The following CA10 variants were observed in gnomAD, a reference collection of about 807,000 sequenced individuals.
The protein encoded by CA10 is carbonic anhydrase 10 (inactive).
A neutral mutation model predicts 44.2 loss-of-function variants in CA10; 14 were observed. That is an observed-to-expected ratio of 0.32 (90% CI 0.21 to 0.50). The LOEUF is 0.50. Among genes scored for constraint, CA10 ranks in the 20% least tolerant of loss-of-function variants. The pLI, the probability that CA10 is intolerant of heterozygous loss-of-function variation, is 0.99. For missense variants in CA10, 350 were observed against 409.7 expected, an observed-to-expected ratio of 0.85 and a Z score of 1.26; for synonymous variants, 159 against 141.6, an observed-to-expected ratio of 1.12 and a Z score of -0.87.
At chr17:51,666,815 AG>A (rs1374946695) in intron 4 of CA10, among the ~76,000 whole-genome samples, 2 of 152,254 alleles carry the variant, frequency 1.3e-5, no homozygotes, top group African/African-American at 4.8e-5. Flanking sequence ...TGCAGGGAAT[AG>A]GAGATCCCAA....
chr17:52,073,120 C>T (rs1033850425), intron 1 of CA10, among the ~76,000 whole-genome samples: 1 of 152,152 alleles, frequency 6.6e-6, no homozygotes, highest in Non-Finnish European at 1.5e-5. Flanking sequence ...TATTAAACTA[C>T]ATTCATATTT....
At chr17:51,782,686 G>T (rs1906110689) in intron 3 of CA10, among the ~76,000 whole-genome samples, 1 of 152,154 alleles carries the variant, frequency 6.6e-6, no homozygotes, top group Non-Finnish European at 1.5e-5. Flanking sequence ...CAGTGTGTAT[G>T]ATCTTGGCAG....
intron 1 of CA10, among the ~76,000 whole-genome samples, chr17:52,124,850 C>T (rs1288824262): frequency 6.6e-6 from 1 of 152,224 alleles, no homozygotes; most frequent in African/African-American, 2.4e-5. Flanking sequence ...GCCCACAACA[C>T]TGTTACTTCA....
At chr17:51,755,795 T>C (rs548478680) in intron 3 of CA10, among the ~76,000 whole-genome samples, 3 of 152,278 alleles carry the variant, frequency 2.0e-5, no homozygotes, top group African/African-American at 7.2e-5. Context: ...TACTCAAAGA[T>C]ACAAAAGGAA....
intron 2 of CA10, among the ~76,000 whole-genome samples, chr17:52,062,128 C>T (rs1400459517): frequency 7.7e-6 from 1 of 129,354 alleles, no homozygotes; most frequent in Non-Finnish European, 1.5e-5. Context: ...AGTGCAGTGG[C>T]ACAATCTTGG....
chr17:51,951,669 T>C lies in CA10; in HGVS notation c.137-20537A>G, dbSNP rs145901563. On this transcript the variant is annotated intron_variant, in intron 2 of 8. Coordinates refer to ENST00000451037, the MANE Select transcript of CA10 (RefSeq NM_020178.5). ...GCTCTATGCCTATTAAACATGCCCATTACTTTACTATTGGAAAAACCAGAT... is the reference window on the plus strand; with the variant it reads ...GCTCTATGCCTATTAAACATGCCCACTACTTTACTATTGGAAAAACCAGAT... Among the ~76,000 whole-genome samples, 7 of 152,296 alleles carry C rather than the reference T, an allele frequency of 4.6e-5. No individual in the cohort carries two copies. In the East Asian group the frequency reaches 1.4e-3, roughly 29 times the overall value.
At chr17:52,155,074 C>G (rs1989777165) in intron 1 of CA10, among the ~76,000 whole-genome samples, 1 of 152,184 alleles carries the variant, frequency 6.6e-6, no homozygotes, top group Non-Finnish European at 1.5e-5. Flanking sequence ...CATGACAAAG[C>G]TACTACCAAC....
At chr17:51,744,841 T>C (rs188833913) in intron 4 of CA10, among the ~76,000 whole-genome samples, 47 of 152,314 alleles carry the variant, frequency 3.1e-4, no homozygotes, top group Non-Finnish European at 1.5e-5. Context: ...ATCTCAAAAG[T>C]CAACTGCTTA....
intron 2 of CA10, among the ~76,000 whole-genome samples, chr17:52,035,715 T>C (rs1376207376): frequency 6.6e-6 from 1 of 152,204 alleles, no homozygotes; most frequent in Non-Finnish European, 1.5e-5. Flanking sequence ...CTGGTGCCGA[T>C]GTGTCTAGTC....
rs115705788 is a variant in CA10 at position 51,800,283 on chromosome 17, T to C, written c.280-52465A>G. On this transcript the variant is annotated intron_variant, in intron 3 of 8. Coordinates refer to ENST00000451037, the MANE Select transcript of CA10 (RefSeq NM_020178.5). ...CGTATGATTCCATTTATGTAAAATG[T>C]CTATAATAGGCAATCTATAGAGCTA... Among the ~76,000 whole-genome samples the C allele has an allele frequency of 1.8e-3, 276 of 152,270 alleles. 2 individuals are homozygous for C. Among genetic ancestry groups the C allele is most frequent in the African/African-American group, 6.4e-3 (266 of 41,572 alleles).
intron 1 of CA10, among the ~76,000 whole-genome samples, chr17:52,086,385 G>A (rs774858453): frequency 6.6e-6 from 1 of 152,176 alleles, no homozygotes; most frequent in Non-Finnish European, 1.5e-5. Flanking sequence ...TGCAATACAA[G>A]ACTTCAAAGG....
chr17:51,871,159 A>G (rs559476811), intron 3 of CA10, among the ~76,000 whole-genome samples: 1 of 149,088 alleles, frequency 6.7e-6, no homozygotes, highest in South Asian at 2.1e-4. Flanking sequence ...CCTGGGTTCA[A>G]GCAATTCTCC....
chr17:51,867,503 A>G (rs907555856), intron 3 of CA10, among the ~76,000 whole-genome samples: 1 of 152,228 alleles, frequency 6.6e-6, no homozygotes, highest in African/African-American at 2.4e-5. Context: ...CTCTATAATG[A>G]GACGAGATGC....
At chr17:51,933,694 C>T (rs1219537640) in intron 2 of CA10, among the ~76,000 whole-genome samples, 3 of 152,090 alleles carry the variant, frequency 2.0e-5, no homozygotes, top group Non-Finnish European at 4.4e-5. Context: ...ACAATGAAGA[C>T]ATCTATGATG....
At chr17:51,846,790 G>A (rs1978514306) in intron 3 of CA10, among the ~76,000 whole-genome samples, 1 of 152,220 alleles carries the variant, frequency 6.6e-6, no homozygotes, top group African/African-American at 2.4e-5. Context: ...GCTGATTTGT[G>A]TCTGTGCTGG....
intron 4 of CA10, among the ~76,000 whole-genome samples, chr17:51,730,441 G>A (rs1206039620): frequency 6.6e-6 from 1 of 152,122 alleles, no homozygotes; most frequent in Non-Finnish European, 1.5e-5. Context: ...TTTCCTCATA[G>A]AAATGTTTTG....
At chr17:51,809,750 G>A (rs776559506) in intron 3 of CA10, among the ~76,000 whole-genome samples, 1 of 152,200 alleles carries the variant, frequency 6.6e-6, no homozygotes, top group Non-Finnish European at 1.5e-5. Flanking sequence ...AGGCAGGTGA[G>A]AATGACCCCA....
chr17:52,085,135 A>T (rs1988084472), intron 1 of CA10, among the ~76,000 whole-genome samples: 1 of 152,238 alleles, frequency 6.6e-6, no homozygotes, highest in African/African-American at 2.4e-5. Context: ...CCTAGCTGAT[A>T]CACACTTGCC....
intron 6 of CA10, 85 bp downstream of exon 6, chr17:51,649,097 G>T: frequency 5.6e-6 from 5 of 886,886 alleles, no homozygotes; most frequent in Non-Finnish European, 9.4e-6. Context: ...AGGGCCCATG[G>T]AGATCATCAG....
Sources: allele counts gnomAD v4.1 joint callset (sites outside exome capture counted in the v4.1 genomes callset), GRCh38; gene constraint gnomAD v4.1.1; transcripts MANE v1.5; gene names NCBI Gene and HGNC (gene_info 2026-07-23, HGNC 2026-07-21).